The following DNAI4 variants were observed in gnomAD, a reference collection of about 807,000 sequenced individuals.
The protein encoded by DNAI4 is dynein axonemal intermediate chain 4.
DNAI4 carries 85 observed loss-of-function variants against 105.8 expected under a neutral mutation model. The observed-to-expected ratio is 0.80, with a 90% CI of 0.67 to 0.96. The LOEUF is 0.96. DNAI4 is among the 40% of genes least tolerant of loss of function. The probability of loss-of-function intolerance (pLI) is 0.00; values close to 1 mark genes in which losing one functional copy is unlikely to be tolerated. For synonymous variants in DNAI4, 352 were observed against 331.5 expected, an observed-to-expected ratio of 1.06 and a Z score of -0.67; for missense variants, 1,014 against 1,005.6, an observed-to-expected ratio of 1.01 and a Z score of -0.11.
intron 3 of DNAI4, among the ~76,000 whole-genome samples, chr1:66,892,916 A>AAGAG (rs1647786649): frequency 6.9e-6 from 1 of 145,078 alleles, no homozygotes; most frequent in African/African-American, 2.6e-5. Flanking sequence ...TCAAAAAAGA[A>AAGAG]AGAAAGAGAG....
At chr1:66,817,748 C>T (rs910842729) in intron 16 of DNAI4, among the ~76,000 whole-genome samples, 5 of 152,140 alleles carry the variant, frequency 3.3e-5, no homozygotes, top group African/African-American at 1.2e-4. Flanking sequence ...GGCAAGGTTG[C>T]AGACTTCTGT....
At position 66,862,183 on chromosome 1, in the gene DNAI4, G is replaced by C; in HGVS notation, c.1060C>G (p.Gln354Glu). 1 of 1,600,902 alleles carries C rather than the reference G, an allele frequency of 6.2e-7. No individual in the cohort carries two copies. Among genetic ancestry groups the C allele is most frequent in the Non-Finnish European group, 8.5e-7 (1 of 1,175,724 alleles). Residue 354 changes from glutamine to glutamate, a missense_variant, in exon 7 of 17, where the codon CAG becomes GAG. Coordinates refer to ENST00000371026, the MANE Select transcript of DNAI4 (RefSeq NM_024763.5). ...GTGCTCCCTGGCAATCTTTGGTCCT[G>C]ATCTTTAGGAAGTACATTTGCTTTA... ...SSKANVLPKD[Q>E]DQRLPGSTTE...
rs1645769165 is a variant in DNAI4 at position 66,826,980 on chromosome 1, A to G, written c.2179T>C (p.Trp727Arg). 6.2e-7 allele frequency: 1 copy of G among 1,614,110 alleles called. No homozygotes were observed. Among genetic ancestry groups the G allele is most frequent in the South Asian group, 1.1e-5 (1 of 91,080 alleles). The change falls in exon 15 of 17, where the codon TGG becomes CGG. Residue 727 changes from tryptophan to arginine, a missense_variant. Trp to Arg is a moderately radical substitution (Grantham distance 101). Coordinates refer to ENST00000371026, the MANE Select transcript of DNAI4 (RefSeq NM_024763.5). ...HDVFLSCSAD[W>R]GVIIWQQENV... ...TCCTGTTGCCATATAATAACACCCCAATCTGCAGAACAGCTTAAAAATACA... is the reference window on the plus strand; with the variant it reads ...TCCTGTTGCCATATAATAACACCCCGATCTGCAGAACAGCTTAAAAATACA...
chr1:66,835,537 A>T (rs114774772), intron 11 of DNAI4, 89 bp downstream of exon 11: 2 of 1,381,510 alleles, frequency 1.4e-6, no homozygotes, highest in African/African-American at 2.9e-5. Context: ...CAGTAACAAC[A>T]AAAATATTTA....
intron 6 of DNAI4, among the ~76,000 whole-genome samples, chr1:66,869,424 C>T (rs1449338224): frequency 6.6e-6 from 1 of 151,824 alleles, no homozygotes; most frequent in African/African-American, 2.4e-5. Context: ...AAACCCTTTA[C>T]TTTTGGAAAA....
intron 1 of DNAI4, among the ~76,000 whole-genome samples, chr1:66,912,296 C>G (rs576777356): frequency 6.6e-6 from 1 of 151,914 alleles, no homozygotes; most frequent in South Asian, 2.1e-4. Context: ...CATGTGGAAA[C>G]CTCATGTCTA....
chr1:66,912,725 T>C (rs1244021550), intron 1 of DNAI4, among the ~76,000 whole-genome samples: 1 of 152,154 alleles, frequency 6.6e-6, no homozygotes, highest in East Asian at 1.9e-4. Flanking sequence ...CAGATAAACT[T>C]TCTAAATTAA....
At chr1:66,843,745 T>C (rs903717484) in intron 8 of DNAI4, among the ~76,000 whole-genome samples, 1 of 152,222 alleles carries the variant, frequency 6.6e-6, no homozygotes, top group Non-Finnish European at 1.5e-5. Context: ...TCGTATTTAG[T>C]ACCATTTGTT....
intron 4 of DNAI4, among the ~76,000 whole-genome samples, chr1:66,885,082 G>C (rs938481264): frequency 6.6e-6 from 1 of 152,034 alleles, no homozygotes; most frequent in African/African-American, 2.4e-5. Context: ...TTTCTCTTGA[G>C]ACTTCTTTGG....
chr1:66,845,492 A>AATCCC (rs1646257526), intron 8 of DNAI4, among the ~76,000 whole-genome samples: 1 of 152,308 alleles, frequency 6.6e-6, no homozygotes, highest in East Asian at 1.9e-4. Context: ...ATAATCCAAT[A>AATCCC]ATCCCATTTG....
chr1:66,879,640 T>G (rs966881372), intron 4 of DNAI4, among the ~76,000 whole-genome samples: 2 of 152,164 alleles, frequency 1.3e-5, no homozygotes, highest in Non-Finnish European at 2.9e-5. Flanking sequence ...CCATTGTGCA[T>G]CCCCACCAGC....
intron 6 of DNAI4, among the ~76,000 whole-genome samples, chr1:66,869,122 T>TAC (rs1646790254): frequency 6.7e-6 from 1 of 148,420 alleles, no homozygotes; most frequent in African/African-American, 2.6e-5. Flanking sequence ...TATGAATATA[T>TAC]ATATATATAT....
In DNAI4 at chr1:66,866,368, C is replaced by T. The variant is rs372483261; in HGVS notation, c.941-4066G>A. On this transcript the variant is annotated intron_variant, in intron 6 of 16. Coordinates refer to ENST00000371026, the MANE Select transcript of DNAI4 (RefSeq NM_024763.5). ...GCTAGATGCAGAAAAGAATTCAGACCGATAATGTACCTAAGTATTCTGTCC... is the reference window on the plus strand; with the variant it reads ...GCTAGATGCAGAAAAGAATTCAGACTGATAATGTACCTAAGTATTCTGTCC... 6.6e-5 allele frequency among the ~76,000 whole-genome samples: 10 copies of T among 151,958 alleles called. No individual in the cohort carries two copies. The East Asian group carries it at 7.7e-4, about 12-fold the overall frequency.
At chr1:66,838,279 G>A (rs779659083) in intron 9 of DNAI4, among the ~76,000 whole-genome samples, 13 of 152,194 alleles carry the variant, frequency 8.5e-5, no homozygotes, top group Non-Finnish European at 1.9e-4. Flanking sequence ...GGTTAAATAA[G>A]ATTATAAGGA....
chr1:66,865,256 T>A (rs1200798436), intron 6 of DNAI4, among the ~76,000 whole-genome samples: 2 of 151,984 alleles, frequency 1.3e-5, no homozygotes, highest in Non-Finnish European at 2.9e-5. Flanking sequence ...AAACCCCATC[T>A]CTACTAAAAA....
chr1:66,908,459 C>G (rs1649418214), intron 1 of DNAI4, among the ~76,000 whole-genome samples: 3 of 152,194 alleles, frequency 2.0e-5, no homozygotes, highest in Admixed American at 2.0e-4. Context: ...GCTCCTGTGC[C>G]CCAGAACCTA....
At chr1:66,845,823 A>G (rs1646263003) in intron 8 of DNAI4, among the ~76,000 whole-genome samples, 1 of 149,538 alleles carries the variant, frequency 6.7e-6, no homozygotes, top group Non-Finnish European at 1.5e-5. Context: ...CTATATTGAC[A>G]GAAATCAGAG....
At chr1:66,858,821 A>T (rs1646561783) in intron 7 of DNAI4, among the ~76,000 whole-genome samples, 1 of 152,176 alleles carries the variant, frequency 6.6e-6, no homozygotes, top group Non-Finnish European at 1.5e-5. Flanking sequence ...TTGATAAGGT[A>T]CAGCTATATA....
At chr1:66,884,470 G>A (rs1647150163) in intron 4 of DNAI4, among the ~76,000 whole-genome samples, 1 of 152,118 alleles carries the variant, frequency 6.6e-6, no homozygotes, top group Non-Finnish European at 1.5e-5. Context: ...TTCTGCATCT[G>A]ATGAAATGAT....
Sources: gnomAD v4.1 joint callset for allele counts (sites outside exome capture counted in the v4.1 genomes callset) on GRCh38, gnomAD v4.1.1 for gene constraint, MANE v1.5 for transcripts, NCBI Gene and HGNC (gene_info 2026-07-23, HGNC 2026-07-21) for gene names.